ARHGEF4: variants seen among roughly 807,000 people sequenced by gnomAD.
ARHGEF4 encodes the protein Rho guanine nucleotide exchange factor 4, also known as APC-stimulated guanine nucleotide exchange factor 1.
ARHGEF4 carries 119 observed loss-of-function variants against 162.0 expected under a neutral mutation model. That is an observed-to-expected ratio of 0.73 (90% CI 0.63 to 0.86). ARHGEF4 has a LOEUF of 0.86. ARHGEF4 is among the 40% of genes least tolerant of loss of function. The pLI, the probability that ARHGEF4 is intolerant of heterozygous loss-of-function variation, is 0.00. For synonymous variants in ARHGEF4, 1,014 were observed against 979.9 expected (o/e 1.03, Z -0.65); for missense variants, 2,488 against 2,456.0 (o/e 1.01, Z -0.28).
chr2:130,914,300 T>C lies in ARHGEF4; in HGVS notation c.354T>C (p.His118=). The part of the protein sequence containing the change: ...VSATGPPQEQ[H]LTSVPGLHAK... Reference sequence around the variant, plus strand: ...CAACTGGACCCCCTCAGGAGCAGCATTTGACCAGTGTTCCTGGGCTTCATG... The same window carrying C: ...CAACTGGACCCCCTCAGGAGCAGCACTTGACCAGTGTTCCTGGGCTTCATG... The change falls in exon 2 of 14, where the codon CAT becomes CAC. Residue 118 remains histidine, a synonymous_variant. Coordinates refer to ENST00000409359, the MANE Select transcript of ARHGEF4 (RefSeq NM_001367493.1). 1 of 1,511,836 alleles carries C rather than the reference T, an allele frequency of 6.6e-7. No homozygotes were observed. Among genetic ancestry groups the C allele is most frequent in the South Asian group, 1.2e-5 (1 of 80,624 alleles). 93.7% of individuals were successfully genotyped at this position (1,511,836 alleles called of 1,614,324 possible).
chr2:130,915,237 C>G lies in ARHGEF4; in HGVS notation c.1291C>G (p.Gln431Glu), dbSNP rs1160085463. The change falls in exon 2 of 14, where the codon CAG (glutamine) becomes GAG (glutamate). Residue 431 changes from glutamine (Q) to glutamate (E), a missense_variant. By Grantham distance (29) the Gln-to-Glu change is conservative. Transcript: ENST00000409359. ...AGLLGENQLR[Q>E]DSRSCLVASC... ...TCTCCTGGGGGAAAACCAGTTAAGA[C>G]AGGATTCCAGGTCATGTCTGGTGGC... is the stretch of plus-strand genomic sequence containing the variant. 4 of 1,550,468 alleles carry G rather than the reference C, an allele frequency of 2.6e-6. No individual in the cohort carries two copies. In the South Asian group the frequency reaches 4.8e-5, roughly 18 times the overall value.
At position 130,916,612 on chromosome 2, in the gene ARHGEF4, C is replaced by T. The variant is rs1471781611; in HGVS notation, c.2666C>T (p.Ser889Phe). 3 of 1,550,568 alleles carry T rather than the reference C, an allele frequency of 1.9e-6. No homozygotes were observed. Among genetic ancestry groups the T allele is most frequent in the Non-Finnish European group, 2.6e-6 (3 of 1,146,982 alleles). ...GGGGATCTTGGTAGCCGAGGGCCTT[C>T]CTCTGAGAGCTGCAACGCAAAGAGA... ...TSGDLGSRGP[S>F]SESCNAKRLK... The change falls in exon 2 of 14, where the codon TCC becomes TTC. Residue 889 changes from serine (S) to phenylalanine (F), a missense_variant. By Grantham distance (155) the Ser-to-Phe change is radical (BLOSUM62 -2). This residue lies in a region of ARHGEF4 where 1,642 missense variants were observed against 1,481.5 expected (regional missense o/e 1.11). Coordinates refer to ENST00000409359, the MANE Select transcript of ARHGEF4 (RefSeq NM_001367493.1).
At chr2:130,953,235 G>T (rs576881642) in intron 4 of ARHGEF4, among the ~76,000 whole-genome samples, 1 of 151,994 alleles carries the variant, frequency 6.6e-6, no homozygotes, top group Non-Finnish European at 1.5e-5. Flanking sequence ...CAGAACAGAG[G>T]CCTCAGAAAT....
intron 3 of ARHGEF4, among the ~76,000 whole-genome samples, chr2:130,946,243 G>A: frequency 6.6e-6 from 1 of 152,200 alleles, no homozygotes; most frequent in Non-Finnish European, 1.5e-5. Context: ...AGAGTTGGGA[G>A]TCTGAAGACC....
At chr2:130,855,795 A>G (rs1357405451) in intron 1 of ARHGEF4, among the ~76,000 whole-genome samples, 5 of 152,232 alleles carry the variant, frequency 3.3e-5, no homozygotes, top group Admixed American at 6.5e-5. Flanking sequence ...GTTATTGCTT[A>G]CTTCAAGAAA....
intron 1 of ARHGEF4, among the ~76,000 whole-genome samples, chr2:130,852,012 G>A (rs1213228281): frequency 6.6e-6 from 1 of 152,266 alleles, no homozygotes; most frequent in Non-Finnish European, 1.5e-5. Flanking sequence ...CACAGGGCAC[G>A]TGGCAGCACT....
intron 1 of ARHGEF4, among the ~76,000 whole-genome samples, chr2:130,871,861 T>C (rs933752448): frequency 2.6e-5 from 4 of 152,202 alleles, no homozygotes; most frequent in Admixed American, 2.6e-4. Flanking sequence ...TGGAGAGACC[T>C]TATCTCCCTG....
intron 6 of ARHGEF4, 42 bp from the exon 7 acceptor site, chr2:131,039,974 C>T: frequency 6.5e-7 from 1 of 1,543,644 alleles, no homozygotes. Context: ...GGGCGTTGCT[C>T]CGAGGGATGC....
intron 1 of ARHGEF4, among the ~76,000 whole-genome samples, chr2:130,901,770 C>T (rs186456476): frequency 6.4e-4 from 97 of 152,248 alleles, no homozygotes; most frequent in African/African-American, 2.3e-3. Flanking sequence ...ATCTGCCTGC[C>T]CCGGCCTCCC....
intron 1 of ARHGEF4, among the ~76,000 whole-genome samples, chr2:130,885,645 C>T (rs1679476304): frequency 6.9e-6 from 1 of 145,410 alleles, no homozygotes; most frequent in South Asian, 2.2e-4. Flanking sequence ...TCTCGGCTCA[C>T]TGCAACCTCT....
intron 1 of ARHGEF4, among the ~76,000 whole-genome samples, chr2:130,873,030 G>A (rs1247731039): frequency 6.6e-6 from 1 of 152,228 alleles, no homozygotes; most frequent in African/African-American, 2.4e-5. Flanking sequence ...GGCAGCCAAG[G>A]CAGGGCTGTG....
At chr2:131,022,329 TC>T (rs1456473234) in intron 4 of ARHGEF4, among the ~76,000 whole-genome samples, 1 of 152,176 alleles carries the variant, frequency 6.6e-6, no homozygotes, top group Non-Finnish European at 1.5e-5. Flanking sequence ...CTCTTCAATT[TC>T]CCTACCAATT....
chr2:131,045,237 G>T, intron 12 of ARHGEF4, 132 bp from the exon 13 acceptor site: 1 of 853,980 alleles, frequency 1.2e-6, no homozygotes. Flanking sequence ...ATGGGCAACA[G>T]TCCCCGCTGT....
At chr2:130,987,839 AG>A (rs1686626326) in intron 4 of ARHGEF4, among the ~76,000 whole-genome samples, 1 of 152,196 alleles carries the variant, frequency 6.6e-6, no homozygotes, top group Admixed American at 6.5e-5. Context: ...TCTAAGCATC[AG>A]AAATGATCTT....
intron 1 of ARHGEF4, among the ~76,000 whole-genome samples, chr2:130,846,372 C>T (rs1414373380): frequency 1.3e-5 from 2 of 152,222 alleles, no homozygotes; most frequent in African/African-American, 4.8e-5. Context: ...GAGCCACCCA[C>T]ACCGACTGCC....
At chr2:130,888,337 G>T (rs1480287756) in intron 1 of ARHGEF4, among the ~76,000 whole-genome samples, 1 of 151,916 alleles carries the variant, frequency 6.6e-6, no homozygotes, top group Non-Finnish European at 1.5e-5. Context: ...CGGGCATGAT[G>T]GCAGGTGCCT....
intron 1 of ARHGEF4, among the ~76,000 whole-genome samples, chr2:130,901,162 G>A (rs1324565995): frequency 6.6e-6 from 1 of 152,186 alleles, no homozygotes; most frequent in Non-Finnish European, 1.5e-5. Flanking sequence ...CAGAGTCTGG[G>A]TGGAGACTTC....
At chr2:130,837,056 A>T (rs1383071146) in intron 1 of ARHGEF4, 64 bp downstream of exon 1, 2 of 1,218,592 alleles carry the variant, frequency 1.6e-6, no homozygotes, top group African/African-American at 3.1e-5. Context: ...GGGGAGGAGC[A>T]CAGCCCGCGC....
chr2:130,857,039 G>T (rs528923504), intron 1 of ARHGEF4, among the ~76,000 whole-genome samples: 2 of 152,190 alleles, frequency 1.3e-5, no homozygotes, highest in African/African-American at 4.8e-5. Context: ...TGGCTAACAT[G>T]GTGAAACCCC....
Sources: allele counts gnomAD v4.1 joint callset (sites outside exome capture counted in the v4.1 genomes callset), GRCh38; gene constraint gnomAD v4.1.1; regional missense constraint gnomAD v4.1.1; transcripts MANE v1.5; gene names NCBI Gene and HGNC (gene_info 2026-07-23, HGNC 2026-07-21).